COL4A2: variants seen among roughly 807,000 people sequenced by gnomAD.
COL4A2 encodes the protein collagen type IV alpha 2 chain, also known as collagen alpha-2(IV) chain.
In COL4A2, 99 loss-of-function variants were observed where a neutral mutation model predicts 200.2. The ratio of observed to expected loss-of-function variants is 0.49; its 90% CI spans 0.42 to 0.58. The LOEUF is 0.58. Ranked by LOEUF, COL4A2 falls within the 20% of genes least tolerant of loss-of-function variation. COL4A2 has a pLI of 0.00. For synonymous variants in COL4A2, 897 were observed against 900.6 expected (o/e 1.00, Z 0.07); for missense variants, 1,950 against 2,314.1 (o/e 0.84, Z 3.23).
chr13:110,317,351 G>C (rs1330959179), intron 3 of COL4A2, among the ~76,000 whole-genome samples: 1 of 148,260 alleles, frequency 6.7e-6, no homozygotes, highest in South Asian at 2.1e-4. Context: ...CACACACACA[G>C]AAACACATGT....
intron 3 of COL4A2, among the ~76,000 whole-genome samples, chr13:110,330,109 T>G (rs903150157): frequency 6.6e-6 from 1 of 152,346 alleles, no homozygotes; most frequent in East Asian, 1.9e-4. Context: ...AGACGGAGAA[T>G]GAGTTTTACC....
At chr13:110,380,255 T>C (rs1437000642) in intron 4 of COL4A2, among the ~76,000 whole-genome samples, 1 of 152,220 alleles carries the variant, frequency 6.6e-6, no homozygotes, top group Non-Finnish European at 1.5e-5. Context: ...GAGAGGCTTT[T>C]CTTCTGAGGG....
intron 3 of COL4A2, among the ~76,000 whole-genome samples, chr13:110,334,456 C>G (rs375183950): frequency 1.3e-5 from 2 of 152,188 alleles, no homozygotes; most frequent in African/African-American, 4.8e-5. Flanking sequence ...GACCCATGGC[C>G]GCATTCCAGA....
At chr13:110,421,839 G>C (rs753805330) in intron 4 of COL4A2, among the ~76,000 whole-genome samples, 3 of 152,234 alleles carry the variant, frequency 2.0e-5, no homozygotes, top group Admixed American at 2.0e-4. Context: ...GGGGTTTACT[G>C]ACAGTGAAAG....
At chr13:110,471,037 T>G (rs1882451851) in intron 28 of COL4A2, among the ~76,000 whole-genome samples, 1 of 152,244 alleles carries the variant, frequency 6.6e-6, no homozygotes, top group Non-Finnish European at 1.5e-5. Context: ...TCTGTGGTTT[T>G]GTTGCCCTGC....
At chr13:110,487,097 A>C (rs968845614) in intron 34 of COL4A2, among the ~76,000 whole-genome samples, 4 of 152,206 alleles carry the variant, frequency 2.6e-5, no homozygotes, top group African/African-American at 9.6e-5. Flanking sequence ...CTCACTCCCA[A>C]AATCTGCAGC....
intron 28 of COL4A2, among the ~76,000 whole-genome samples, chr13:110,471,856 A>G (rs1033676926): frequency 6.6e-6 from 1 of 152,318 alleles, no homozygotes; most frequent in South Asian, 2.1e-4. Flanking sequence ...CTTGTCCCAC[A>G]GAATCACCTG....
At position 110,445,899 on chromosome 13, in the gene COL4A2, T is replaced by C. The variant is rs200173707; in HGVS notation, c.1011+17T>C. Reference sequence around the variant, plus strand: ...GGACCCAAGGTGAGCCCGTTTCTCATGTCTTTGCCACTTATGGTGTCTCGC... The same window carrying C: ...GGACCCAAGGTGAGCCCGTTTCTCACGTCTTTGCCACTTATGGTGTCTCGC... On this transcript the variant is annotated intron_variant, in intron 17 of 47. Transcript: ENST00000360467. The C allele has an allele frequency of 1.4e-5, 22 of 1,614,156 alleles. No homozygotes were observed. The African/African-American group carries it at 2.8e-4, about 21-fold the overall frequency.
intron 3 of COL4A2, among the ~76,000 whole-genome samples, chr13:110,315,988 A>G (rs1885119970): frequency 6.6e-6 from 1 of 152,112 alleles, no homozygotes; most frequent in African/African-American, 2.4e-5. Context: ...TTCCCAAATT[A>G]TCTGCTTTCT....
At chr13:110,430,003 A>C in intron 8 of COL4A2, 47 bp downstream of exon 8, 1 of 1,509,964 alleles carries the variant, frequency 6.6e-7, no homozygotes, top group Non-Finnish European at 8.9e-7. Context: ...CCCAGTGTAA[A>C]TTCTCAACTA....
Position 110,497,109 on chromosome 13 carries a change from G to T in COL4A2, c.3760+1642G>T, listed in dbSNP as rs577103078. ...TCCCACCAGCACAGCCTCAGTCAGG[G>T]GTAAGGATCTAGGACAGTCTACCAG... is the stretch of plus-strand genomic sequence containing the variant. On this transcript the variant is annotated intron_variant, in intron 40 of 47. Transcript: ENST00000360467. Among the ~76,000 whole-genome samples, 46 of 151,770 alleles carry T rather than the reference G, an allele frequency of 3.0e-4. No homozygotes were observed. The South Asian group carries it at 9.0e-3, about 30-fold the overall frequency.
rs1368539023 is a variant in COL4A2 at position 110,405,932 on chromosome 13, A to G, written c.181-18802A>G. On this transcript the variant is annotated intron_variant, in intron 4 of 47. Transcript: ENST00000360467. ...GGTGAGTGAAGAACAACTGAAAACA[A>G]TGAAGCGCATTTGTGGCTGGAGGTC... Among the ~76,000 whole-genome samples, 14 of 152,290 alleles carry G rather than the reference A, an allele frequency of 9.2e-5. 1 individual carries two copies. The highest frequency in any genetic ancestry group is 1.7e-4 in the African/African-American group (7 of 41,566).
intron 3 of COL4A2, 30 bp downstream of exon 3, chr13:110,308,153 C>G (rs202148198): frequency 1.9e-6 from 3 of 1,612,206 alleles, no homozygotes; most frequent in African/African-American, 1.3e-5. Context: ...CTTGGACTTG[C>G]GCGCCCGAGA....
chr13:110,333,809 A>G (rs148388716), intron 3 of COL4A2, among the ~76,000 whole-genome samples: 2 of 152,226 alleles, frequency 1.3e-5, no homozygotes, highest in Non-Finnish European at 2.9e-5. Flanking sequence ...ATTATAAATA[A>G]TAAGAGCTCT....
intron 27 of COL4A2, chr13:110,468,205 A>T (rs1273792381): frequency 8.5e-6 from 4 of 471,338 alleles, no homozygotes; most frequent in Non-Finnish European, 1.8e-5. Context: ...GGGCCTGGGG[A>T]GCACAGGACA....
At chr13:110,335,383 A>G (rs994891322) in intron 3 of COL4A2, among the ~76,000 whole-genome samples, 4 of 152,042 alleles carry the variant, frequency 2.6e-5, no homozygotes, top group African/African-American at 7.2e-5. Flanking sequence ...CCCCCATACT[A>G]TTCTTGCGGT....
chr13:110,499,572 C>G (rs894784041), intron 40 of COL4A2, among the ~76,000 whole-genome samples: 3 of 152,234 alleles, frequency 2.0e-5, no homozygotes, highest in Admixed American at 2.0e-4. Context: ...CTCACTGAAG[C>G]TAGAGTCTGC....
At chr13:110,362,500 T>G (rs936697812) in intron 4 of COL4A2, among the ~76,000 whole-genome samples, 9 of 151,904 alleles carry the variant, frequency 5.9e-5, no homozygotes, top group Non-Finnish European at 8.8e-5. Flanking sequence ...TTTTTTTTTT[T>G]TGTGGAGATG....
rs759187657 is a variant in COL4A2, at chr13:110,473,057, G to A, written c.2332G>A (p.Gly778Arg). ...GERGLPGEVL[G>R]AQPGPRGDAG... ...AAGGGGCCTCCCTGGAGAAGTCCTGGGAGCTCAGCCCGGGCCACGGGGAGA... is the reference window on the plus strand; with the variant it reads ...AAGGGGCCTCCCTGGAGAAGTCCTGAGAGCTCAGCCCGGGCCACGGGGAGA... Residue 778 changes from glycine (G) to arginine (R), a missense_variant, in exon 29 of 48, where the codon GGA becomes AGA. Gly to Arg is a moderately radical substitution (Grantham distance 125). Transcript: ENST00000360467. 7.2e-6 allele frequency: 11 copies of A among 1,529,084 alleles called. No individual in the cohort carries two copies. The highest frequency in any genetic ancestry group is 8.8e-6 in the Non-Finnish European group (10 of 1,138,338). 94.7% of individuals were successfully genotyped at this position (1,529,084 alleles called of 1,614,324 possible).
Sources: gnomAD v4.1 joint callset for allele counts (sites outside exome capture counted in the v4.1 genomes callset) on GRCh38, gnomAD v4.1.1 for gene constraint, MANE v1.5 for transcripts, NCBI Gene and HGNC (gene_info 2026-07-23, HGNC 2026-07-21) for gene names.